The following KHDRBS2 variants were observed in gnomAD, a reference collection of about 807,000 sequenced individuals.
KHDRBS2 encodes KH domain-containing, RNA-binding, signal transduction-associated protein 2.
KHDRBS2 carries 26 observed loss-of-function variants against 44.3 expected under a neutral mutation model. The observed-to-expected ratio is 0.59, with a 90% CI of 0.43 to 0.81. The LOEUF is 0.81. KHDRBS2 is among the 40% of genes least tolerant of loss of function. The pLI, the probability that KHDRBS2 is intolerant of heterozygous loss-of-function variation, is 0.00. For missense variants in KHDRBS2, 476 were observed against 433.1 expected (o/e 1.10, Z -0.88); for synonymous variants, 194 against 151.1 (o/e 1.28, Z -2.08).
chr6:61,882,708 G>T (rs1800376782), intron 6 of KHDRBS2, among the ~76,000 whole-genome samples: 1 of 151,928 alleles, frequency 6.6e-6, no homozygotes, highest in Non-Finnish European at 1.5e-5. Context: ...TAATCACAAA[G>T]ATCTGTTTCT....
At chr6:61,663,004 T>A in the KHDRBS2 span, among the ~76,000 whole-genome samples, 1 of 151,956 alleles carries the variant, frequency 6.6e-6, no homozygotes, top group African/African-American at 2.4e-5. Flanking sequence ...CCAACCTAAA[T>A]GTCCAACAAT....
intron 6 of KHDRBS2, among the ~76,000 whole-genome samples, chr6:61,774,482 A>G (rs1404680704): frequency 6.6e-6 from 1 of 152,178 alleles, no homozygotes; most frequent in East Asian, 1.9e-4. Flanking sequence ...AAAAATCACA[A>G]GCATTCTTAT....
At chr6:61,558,718 A>G in the KHDRBS2 span, among the ~76,000 whole-genome samples, 2 of 152,146 alleles carry the variant, frequency 1.3e-5, no homozygotes, top group Admixed American at 1.3e-4. Context: ...ATTTGTTTGT[A>G]TAGTTTCCAA....
At chr6:62,149,907 C>G (rs1445136761) in intron 2 of KHDRBS2, among the ~76,000 whole-genome samples, 2 of 152,086 alleles carry the variant, frequency 1.3e-5, no homozygotes, top group African/African-American at 4.8e-5. Context: ...AGCAGTGGAT[C>G]GTAAGAAGCT....
At chr6:61,606,473 A>G in the KHDRBS2 span, among the ~76,000 whole-genome samples, 1 of 152,218 alleles carries the variant, frequency 6.6e-6, no homozygotes, top group African/African-American at 2.4e-5. Flanking sequence ...AAACAGGAGA[A>G]AAGGCATAAA....
chr6:62,167,704 G>A (rs567281306), intron 2 of KHDRBS2, among the ~76,000 whole-genome samples: 2 of 152,184 alleles, frequency 1.3e-5, no homozygotes, highest in East Asian at 3.9e-4. Context: ...AAAATAAAAA[G>A]CAATGCTGTG....
intron 1 of KHDRBS2, among the ~76,000 whole-genome samples, chr6:62,248,478 C>T (rs1835987617): frequency 6.6e-6 from 1 of 152,012 alleles, no homozygotes; most frequent in South Asian, 2.1e-4. Context: ...CCCACCTCAG[C>T]CTCCCGAGTA....
At chr6:61,543,222 G>A in the KHDRBS2 span, among the ~76,000 whole-genome samples, 1 of 151,588 alleles carries the variant, frequency 6.6e-6, no homozygotes, top group Admixed American at 6.6e-5. Flanking sequence ...ATCTGACAAG[G>A]GACTAATAAA....
chr6:62,252,848 C>G (rs182861599), intron 1 of KHDRBS2, among the ~76,000 whole-genome samples: 1 of 151,926 alleles, frequency 6.6e-6, no homozygotes, highest in Non-Finnish European at 1.5e-5. Flanking sequence ...TAATTTGAAT[C>G]TGAATCATAG....
intron 6 of KHDRBS2, among the ~76,000 whole-genome samples, chr6:61,774,120 G>A (rs1057331050): frequency 5.3e-5 from 8 of 151,938 alleles, no homozygotes; most frequent in South Asian, 2.1e-4. Flanking sequence ...TTGACTTGGC[G>A]ATGCAGGCTC....
At chr6:62,164,708 C>T (rs2150114430) in intron 2 of KHDRBS2, among the ~76,000 whole-genome samples, 1 of 152,006 alleles carries the variant, frequency 6.6e-6, no homozygotes, top group African/African-American at 2.4e-5. Flanking sequence ...TATGCAACTG[C>T]TTTCAAAAGT....
chr6:62,087,304 A>T (rs2127360165), intron 2 of KHDRBS2, among the ~76,000 whole-genome samples: 1 of 152,228 alleles, frequency 6.6e-6, no homozygotes, highest in Non-Finnish European at 1.5e-5. Context: ...TAAGAAAATT[A>T]TATTGGAGTT....
At chr6:62,128,197 A>G (rs1400730377) in intron 2 of KHDRBS2, among the ~76,000 whole-genome samples, 1 of 152,156 alleles carries the variant, frequency 6.6e-6, no homozygotes, top group African/African-American at 2.4e-5. Flanking sequence ...GACTAGGTTC[A>G]GATCTTTACT....
intron 6 of KHDRBS2, among the ~76,000 whole-genome samples, chr6:61,735,026 T>C (rs1396295191): frequency 6.6e-6 from 1 of 152,150 alleles, no homozygotes; most frequent in Non-Finnish European, 1.5e-5. Flanking sequence ...CTTTAATTTC[T>C]TGCTGAAACA....
intron 2 of KHDRBS2, among the ~76,000 whole-genome samples, chr6:62,094,207 T>C (rs1207814247): frequency 6.6e-6 from 1 of 151,878 alleles, no homozygotes; most frequent in Non-Finnish European, 1.5e-5. Flanking sequence ...TTTGTTACAT[T>C]TGGATTTTGT....
chr6:61,570,946 A>T, the KHDRBS2 span, among the ~76,000 whole-genome samples: 2 of 152,108 alleles, frequency 1.3e-5, no homozygotes. Flanking sequence ...ACCTTAAAAT[A>T]CACCAAAATA....
At chr6:62,279,636 T>C (rs1346828297) in intron 1 of KHDRBS2, among the ~76,000 whole-genome samples, 1 of 152,032 alleles carries the variant, frequency 6.6e-6, no homozygotes, top group East Asian at 1.9e-4. Flanking sequence ...TAATTTATAA[T>C]GAATTAGATG....
At chr6:61,965,744 G>A (rs1487656197) in intron 4 of KHDRBS2, among the ~76,000 whole-genome samples, 2 of 151,896 alleles carry the variant, frequency 1.3e-5, no homozygotes, top group South Asian at 2.1e-4. Flanking sequence ...TCCTACTTTA[G>A]AGGATAAGTT....
chr6:61,609,223 G>A, the KHDRBS2 span, among the ~76,000 whole-genome samples: 1 of 152,136 alleles, frequency 6.6e-6, no homozygotes, highest in Admixed American at 6.5e-5. Flanking sequence ...GCTGGGCATG[G>A]TGGTGTGCAC....
Sources: gnomAD v4.1 joint callset for allele counts (sites outside exome capture counted in the v4.1 genomes callset) on GRCh38, gnomAD v4.1.1 for gene constraint, MANE v1.5 for transcripts, NCBI Gene and HGNC (gene_info 2026-07-23, HGNC 2026-07-21) for gene names.